PDLIM5: variants seen among roughly 807,000 people sequenced by gnomAD.
The protein encoded by PDLIM5 is PDZ and LIM domain protein 5.
Under a neutral mutation model 64.2 loss-of-function variants are expected in PDLIM5, and 34 were observed. The observed-to-expected ratio is 0.53, with a 90% CI of 0.40 to 0.71. The LOEUF is 0.71. Among genes scored for constraint, PDLIM5 ranks in the 30% least tolerant of loss-of-function variants. The pLI, the probability that PDLIM5 is intolerant of heterozygous loss-of-function variation, is 0.00. For synonymous variants in PDLIM5, 253 were observed against 269.1 expected (o/e 0.94, Z 0.59); for missense variants, 683 against 733.6 (o/e 0.93, Z 0.80).
At chr4:94,485,806 C>T (rs1210403547) in intron 2 of PDLIM5, among the ~76,000 whole-genome samples, 1 of 147,734 alleles carries the variant, frequency 6.8e-6, no homozygotes, top group Admixed American at 6.8e-5. Flanking sequence ...GCCAATATTG[C>T]GCCACTGCAC....
At chr4:94,645,745 C>G in intron 9 of PDLIM5, among the ~76,000 whole-genome samples, 1 of 152,148 alleles carries the variant, frequency 6.6e-6, no homozygotes, top group East Asian at 1.9e-4. Context: ...ATTTTCTTCT[C>G]TCTCCGACTT....
Position 94,611,291 on chromosome 4 carries a change from A to C in PDLIM5, c.921-6713A>C, listed in dbSNP as rs114740614. On this transcript the variant is annotated intron_variant, in intron 7 of 12. Coordinates refer to ENST00000317968, the MANE Select transcript of PDLIM5 (RefSeq NM_006457.5). ...CACCACTGTATTAACAGGCCAGGTGAGAACATGCTAGAGTTCTAGGGATTT... is the reference window on the plus strand; with the variant it reads ...CACCACTGTATTAACAGGCCAGGTGCGAACATGCTAGAGTTCTAGGGATTT... 9.1e-4 allele frequency: 993 copies of C among 1,092,688 alleles called. 13 individuals are homozygous for C. In the African/African-American group the frequency reaches 0.014, roughly 15 times the overall value. The allele number at this position is 1,092,688 out of a possible 1,614,324, so 67.7% of individuals were successfully genotyped here.
intron 12 of PDLIM5, among the ~76,000 whole-genome samples, chr4:94,662,784 G>A (rs1226429237): frequency 6.6e-6 from 1 of 150,744 alleles, no homozygotes; most frequent in Non-Finnish European, 1.5e-5. Context: ...TCTATAAGGA[G>A]AAGCTATGTA....
At chr4:94,591,740 C>T (rs74946472) in intron 7 of PDLIM5, among the ~76,000 whole-genome samples, 296 of 152,368 alleles carry the variant, frequency 1.9e-3, no homozygotes, top group Non-Finnish European at 3.6e-3. Context: ...CTCCACCTCT[C>T]CTACCCACTC....
intron 7 of PDLIM5, among the ~76,000 whole-genome samples, chr4:94,604,338 T>C (rs1737739582): frequency 6.6e-6 from 1 of 152,114 alleles, no homozygotes; most frequent in Non-Finnish European, 1.5e-5. Flanking sequence ...AGGTATCTAA[T>C]GTAGTCATCT....
At chr4:94,453,402 G>T (rs1723039722) in intron 1 of PDLIM5, among the ~76,000 whole-genome samples, 1 of 152,222 alleles carries the variant, frequency 6.6e-6, no homozygotes, top group African/African-American at 2.4e-5. Context: ...CACTGGTTTT[G>T]TAGTGTGGCT....
intron 8 of PDLIM5, among the ~76,000 whole-genome samples, chr4:94,620,873 A>G (rs1739167144): frequency 6.6e-6 from 1 of 151,690 alleles, no homozygotes; most frequent in South Asian, 2.1e-4. Context: ...CTGGAGATCA[A>G]GATCACCTGA....
chr4:94,502,849 C>G (rs1728052861), intron 2 of PDLIM5, among the ~76,000 whole-genome samples: 1 of 151,920 alleles, frequency 6.6e-6, no homozygotes, highest in South Asian at 2.1e-4. Context: ...TGCACTTCAT[C>G]CTGGACAATG....
chr4:94,609,215 A>T (rs890226510), intron 7 of PDLIM5, among the ~76,000 whole-genome samples: 1 of 152,104 alleles, frequency 6.6e-6, no homozygotes, highest in Non-Finnish European at 1.5e-5. Context: ...GTGGCCATTG[A>T]AAAAAGTGGT....
chr4:94,624,055 A>G (rs1344746509), intron 8 of PDLIM5, among the ~76,000 whole-genome samples: 1 of 151,970 alleles, frequency 6.6e-6, no homozygotes, highest in South Asian at 2.1e-4. Context: ...TCACACCTGT[A>G]ATCCCAATAG....
At chr4:94,651,748 A>T (rs1028111461) in intron 9 of PDLIM5, among the ~76,000 whole-genome samples, 2 of 152,188 alleles carry the variant, frequency 1.3e-5, no homozygotes, top group African/African-American at 4.8e-5. Context: ...CTTGCTGCAG[A>T]AATCAGGGAG....
chr4:94,551,479 C>A (rs1493112), intron 3 of PDLIM5, among the ~76,000 whole-genome samples: 1 of 151,822 alleles, frequency 6.6e-6, no homozygotes, highest in Admixed American at 6.6e-5. Flanking sequence ...GAGTTTAAAA[C>A]GCTTGAAGCA....
intron 2 of PDLIM5, among the ~76,000 whole-genome samples, chr4:94,477,583 GT>G (rs1725438648): frequency 1.3e-5 from 2 of 152,112 alleles, no homozygotes; most frequent in Non-Finnish European, 1.5e-5. Context: ...TTTTAAAGTA[GT>G]TTTTAAAATG....
At chr4:94,621,942 A>G (rs1170709220) in intron 8 of PDLIM5, among the ~76,000 whole-genome samples, 2 of 152,212 alleles carry the variant, frequency 1.3e-5, no homozygotes, top group Non-Finnish European at 2.9e-5. Context: ...GAATTACATC[A>G]TAATTCTTAG....
intron 2 of PDLIM5, among the ~76,000 whole-genome samples, chr4:94,493,831 T>C (rs553593766): frequency 6.6e-6 from 1 of 152,352 alleles, no homozygotes; most frequent in African/African-American, 2.4e-5. Context: ...TTTCATAGAC[T>C]ATTGTAATCT....
At chr4:94,567,380 CTG>C (rs1288907326) in intron 3 of PDLIM5, among the ~76,000 whole-genome samples, 1 of 152,066 alleles carries the variant, frequency 6.6e-6, no homozygotes, top group East Asian at 1.9e-4. Context: ...TAATGAAGTA[CTG>C]TGTTGATAAA....
chr4:94,616,100 A>G (rs1738763398), intron 7 of PDLIM5, among the ~76,000 whole-genome samples: 1 of 152,098 alleles, frequency 6.6e-6, no homozygotes, highest in South Asian at 2.1e-4. Flanking sequence ...TTTCCAGACT[A>G]TATATTTTTG....
At chr4:94,542,220 GA>G (rs1275842777) in intron 3 of PDLIM5, among the ~76,000 whole-genome samples, 3 of 152,118 alleles carry the variant, frequency 2.0e-5, no homozygotes, top group African/African-American at 2.4e-5. Context: ...GCTGAGGCAT[GA>G]GAATTGCTTG....
At chr4:94,631,988 G>A (rs552405471) in intron 8 of PDLIM5, among the ~76,000 whole-genome samples, 22 of 152,316 alleles carry the variant, frequency 1.4e-4, no homozygotes, top group Admixed American at 3.3e-4. Context: ...TTCAATAAAT[G>A]ATCTGTACAG....
Sources: gnomAD v4.1 joint callset for allele counts (sites outside exome capture counted in the v4.1 genomes callset) on GRCh38, gnomAD v4.1.1 for gene constraint, MANE v1.5 for transcripts, NCBI Gene and HGNC (gene_info 2026-07-23, HGNC 2026-07-21) for gene names.